The following HOOK3 variants were observed in gnomAD, a reference collection of about 807,000 sequenced individuals.
HOOK3 encodes hook microtubule tethering protein 3.
In HOOK3, 24 loss-of-function variants were observed where a neutral mutation model predicts 116.3. That is an observed-to-expected ratio of 0.21 (90% CI 0.15 to 0.29). The LOEUF (loss-of-function observed/expected upper bound fraction) is 0.29, where lower values mean the gene tolerates loss of function less well. Among genes scored for constraint, HOOK3 ranks in the 10% least tolerant of loss-of-function variants. The probability of loss-of-function intolerance (pLI) is 1.00; values close to 1 mark genes in which losing one functional copy is unlikely to be tolerated. For synonymous variants in HOOK3, 275 were observed against 283.0 expected (o/e 0.97, Z 0.28); for missense variants, 632 against 830.2 (o/e 0.76, Z 2.93).
At chr8:42,974,755 G>A (rs1808788553) in intron 13 of HOOK3, among the ~76,000 whole-genome samples, 1 of 152,142 alleles carries the variant, frequency 6.6e-6, no homozygotes, top group Non-Finnish European at 1.5e-5. Context: ...TAAGATGAAT[G>A]CGCAAAAAGG....
At chr8:43,006,888 T>C (rs917425126) in intron 17 of HOOK3, among the ~76,000 whole-genome samples, 1 of 152,074 alleles carries the variant, frequency 6.6e-6, no homozygotes, top group Non-Finnish European at 1.5e-5. Context: ...TAGTGCCATA[T>C]TAAATATGAT....
At chr8:42,945,817 T>G (rs943445850) in intron 5 of HOOK3, among the ~76,000 whole-genome samples, 1 of 152,172 alleles carries the variant, frequency 6.6e-6, no homozygotes, top group African/African-American at 2.4e-5. Context: ...TTTACAGCTT[T>G]TGTTAGTTAA....
At chr8:42,967,593 A>G (rs118001710) in intron 10 of HOOK3, among the ~76,000 whole-genome samples, 2,037 of 152,142 alleles carry the variant, frequency 0.013, 29 homozygotes, top group Middle Eastern at 0.037. Flanking sequence ...TTTAATCTTA[A>G]AAAGAGAGGG....
intron 16 of HOOK3, chr8:43,000,953 A>T (rs1181563464): frequency 6.6e-6 from 1 of 152,134 alleles, no homozygotes; most frequent in Non-Finnish European, 1.5e-5. Context: ...CTAAAGAAGG[A>T]ATGAGCAATA....
intron 3 of HOOK3, among the ~76,000 whole-genome samples, chr8:42,927,812 C>G (rs573202506): frequency 3.4e-4 from 52 of 152,244 alleles, no homozygotes; most frequent in Admixed American, 3.9e-4. Flanking sequence ...GCTATATGCT[C>G]AGTCCGGTCT....
intron 9 of HOOK3, among the ~76,000 whole-genome samples, chr8:42,964,946 G>C (rs2130422015): frequency 6.6e-6 from 1 of 152,332 alleles, no homozygotes. Context: ...TCACGTCTAG[G>C]AAGTGTTCTA....
In HOOK3 at chr8:42,919,187, C is replaced by T. The variant is rs574074159; in HGVS notation, c.144-6370C>T. Among the ~76,000 whole-genome samples, 367 of 145,040 alleles carry T rather than the reference C, an allele frequency of 2.5e-3. 1 individual carries two copies. The highest frequency in any genetic ancestry group is 3.8e-3 in the Non-Finnish European group (252 of 66,066). ...GCAGAGGGGCTCCTCACTTCACAGA[C>T]GGGCGGCTGCTGGGCAGAGGGGCTC... On this transcript the variant is annotated intron_variant, in intron 2 of 21. Transcript: ENST00000307602.
chr8:42,939,674 T>A (rs1808061813), intron 4 of HOOK3, among the ~76,000 whole-genome samples: 1 of 149,686 alleles, frequency 6.7e-6, no homozygotes, highest in Non-Finnish European at 1.5e-5. Context: ...GAGACGCTCC[T>A]CACTCCCCAG....
At chr8:43,003,931 A>G (rs1809424241) in intron 17 of HOOK3, among the ~76,000 whole-genome samples, 1 of 152,088 alleles carries the variant, frequency 6.6e-6, no homozygotes, top group African/African-American at 2.4e-5. Context: ...AGCTACTTAC[A>G]CCTGTAAACA....
At chr8:42,897,383 G>A (rs1807025890) in intron 1 of HOOK3, 195 bp downstream of exon 1, 1 of 388,696 alleles carries the variant, frequency 2.6e-6, no homozygotes, top group African/African-American at 2.1e-5. Flanking sequence ...TGTTCCGGGC[G>A]GACCCCGGCC....
intron 5 of HOOK3, among the ~76,000 whole-genome samples, chr8:42,949,772 T>C (rs919316427): frequency 6.6e-6 from 1 of 151,788 alleles, no homozygotes; most frequent in Middle Eastern, 3.4e-3. Flanking sequence ...CAAAAATTAG[T>C]TGGGTGTGGT....
chr8:42,983,291 G>A (rs980763001), intron 14 of HOOK3, among the ~76,000 whole-genome samples: 3 of 146,514 alleles, frequency 2.0e-5, no homozygotes, highest in South Asian at 2.1e-4. Context: ...CTGAAGTTGC[G>A]CCACTGCACT....
chr8:42,979,410 A>G (rs1808890624), intron 13 of HOOK3, among the ~76,000 whole-genome samples: 1 of 152,182 alleles, frequency 6.6e-6, no homozygotes, highest in Non-Finnish European at 1.5e-5. Flanking sequence ...TTCTCCTAGG[A>G]AAAGAACCAC....
At chr8:43,010,556 C>A (rs772270645) in intron 19 of HOOK3, 151 bp downstream of exon 19, 6 of 263,170 alleles carry the variant, frequency 2.3e-5, no homozygotes, top group Non-Finnish European at 3.1e-5. Flanking sequence ...AGAACCTGAG[C>A]AACAAGCAGT....
intron 4 of HOOK3, 52 bp downstream of exon 4, chr8:42,930,224 A>C: frequency 2.1e-6 from 3 of 1,400,314 alleles, no homozygotes; most frequent in Non-Finnish European, 1.9e-6. Flanking sequence ...GGATAGTTTA[A>C]TTTTATAATA....
At position 42,955,101 on chromosome 8, in the gene HOOK3, T is replaced by A. The variant is rs554871225; in HGVS notation, c.469-1993T>A. Among the ~76,000 whole-genome samples the A allele has an allele frequency of 1.8e-4, 27 of 152,342 alleles. 1 individual carries two copies. In the South Asian group the frequency reaches 5.4e-3, roughly 30 times the overall value. ...ATAGTGACACCAGTTTTGTGGTTTT[T>A]AAATTTCTTTTACCCTCTCAATACA... is the stretch of plus-strand genomic sequence containing the variant. On this transcript the variant is annotated intron_variant, in intron 6 of 21. Coordinates refer to ENST00000307602, the MANE Select transcript of HOOK3 (RefSeq NM_032410.4).
intron 1 of HOOK3, among the ~76,000 whole-genome samples, chr8:42,905,719 T>A (rs1807292809): frequency 6.6e-6 from 1 of 151,654 alleles, no homozygotes; most frequent in Admixed American, 6.6e-5. Context: ...AGGCAAAAGT[T>A]TCCAATTAGA....
chr8:42,931,951 C>T (rs957444837), intron 4 of HOOK3, among the ~76,000 whole-genome samples: 1 of 152,130 alleles, frequency 6.6e-6, no homozygotes, highest in Non-Finnish European at 1.5e-5. Context: ...GACAGGGTTT[C>T]ACCATATTGG....
chr8:42,970,223 A>G (rs1480040291), intron 11 of HOOK3, among the ~76,000 whole-genome samples: 2 of 152,194 alleles, frequency 1.3e-5, no homozygotes, highest in Admixed American at 1.3e-4. Flanking sequence ...TCTACCTTGT[A>G]TATCTAAAAT....
Sources: gnomAD v4.1 joint callset for allele counts (sites outside exome capture counted in the v4.1 genomes callset) on GRCh38, gnomAD v4.1.1 for gene constraint, MANE v1.5 for transcripts, NCBI Gene and HGNC (gene_info 2026-07-23, HGNC 2026-07-21) for gene names.